Variants in TERT observed in about 807,000 individuals in gnomAD.
TERT encodes telomerase reverse transcriptase.
TERT carries 42 observed loss-of-function variants against 104.0 expected under a neutral mutation model. The ratio of observed to expected loss-of-function variants is 0.40; its 90% CI spans 0.32 to 0.52. The LOEUF (loss-of-function observed/expected upper bound fraction) is 0.52. Ranked by LOEUF, TERT falls within the 20% of genes least tolerant of loss-of-function variation. The probability of loss-of-function intolerance (pLI) is 0.43; values close to 1 mark genes in which losing one functional copy is unlikely to be tolerated. For missense variants in TERT, 1,101 were observed against 1,610.3 expected (o/e 0.68, Z 5.41); for synonymous variants, 781 against 725.6 (o/e 1.08, Z -1.23).
In TERT at chr5:1,292,173, C is replaced by A. The variant is rs1262878238; in HGVS notation, c.1573+1140G>T. On this transcript the variant is annotated intron_variant, in intron 2 of 15. Coordinates refer to ENST00000310581, the MANE Select transcript of TERT (RefSeq NM_198253.3). The surrounding 1 kb of genome is among the most constrained non-coding windows in gnomAD (Gnocchi z 5.5). ...CCAAGAAGGTCACCCTCCTTGTCTG[C>A]ATGGCCGGAAGTCTTACATGTCTTG... Among the ~76,000 whole-genome samples, 2 of 152,154 alleles carry A rather than the reference C, an allele frequency of 1.3e-5. No individual in the cohort carries two copies. The highest frequency in any genetic ancestry group is 2.9e-5 in the Non-Finnish European group (2 of 68,024).
rs559006957 is a variant in TERT at position 1,274,663 on chromosome 5, C to T, written c.2287-2383G>A. Among the ~76,000 whole-genome samples, 3 of 152,314 alleles carry T rather than the reference C, an allele frequency of 2.0e-5. No individual in the cohort carries two copies. The highest frequency in any genetic ancestry group is 1.9e-4 in the East Asian group (1 of 5,182). On this transcript the variant is annotated intron_variant, in intron 6 of 15. Transcript: ENST00000310581. The surrounding 1 kb of genome is among the most constrained non-coding windows in gnomAD (Gnocchi z 5.3). The stretch of plus-strand genomic sequence containing the variant: ...TGATCTGAGAGGGGCGGGGCTCAGG[C>T]GGGAACGCTGGCTCCCCACACCCCA...
chr5:1,281,009 G>A (rs1041624962), intron 3 of TERT, among the ~76,000 whole-genome samples: 9 of 152,194 alleles, frequency 5.9e-5, no homozygotes, highest in Non-Finnish European at 1.0e-4. Flanking sequence ...CGCAGGCCCA[G>A]CAGAGTAGAA....
intron 10 of TERT, 141 bp downstream of exon 10, chr5:1,266,323 C>T: frequency 2.4e-6 from 2 of 849,494 alleles, no homozygotes; most frequent in South Asian, 2.9e-5. Context: ...CCAAGCGCCT[C>T]TGCTCTTGCG....
In TERT at chr5:1,268,721, C is replaced by G; in HGVS notation, c.2469-88G>C. The G allele has an allele frequency of 1.2e-6, 1 of 842,014 alleles. No homozygotes were observed. Among genetic ancestry groups the G allele is most frequent in the Non-Finnish European group, 2.0e-6 (1 of 497,936 alleles). The allele number at this position is 842,014 out of a possible 1,614,324, so 52.2% of individuals were successfully genotyped here. A position where few individuals can be genotyped will look rare whatever the true frequency, so the allele number is the denominator to read the frequency against. On this transcript the variant is annotated intron_variant, in intron 8 of 15. Coordinates refer to ENST00000310581, the MANE Select transcript of TERT (RefSeq NM_198253.3). This position sits in a 1 kb window ranked among gnomAD's most constrained non-coding sequence, Gnocchi z 5.5. ...ACCGAGCCACACACAGACACAGAACCTCATACACACAAACGACACGTCTAC... is the reference window on the plus strand; with the variant it reads ...ACCGAGCCACACACAGACACAGAACGTCATACACACAAACGACACGTCTAC...
intron 5 of TERT, among the ~76,000 whole-genome samples, chr5:1,279,072 T>C (rs1749818643): frequency 6.6e-6 from 1 of 152,180 alleles, no homozygotes; most frequent in East Asian, 1.9e-4. Flanking sequence ...TCCTTGGGAA[T>C]AGGAGCCCGG....
In TERT at chr5:1,292,443, A is replaced by G. The variant is rs557769932; in HGVS notation, c.1573+870T>C. Among the ~76,000 whole-genome samples the G allele has an allele frequency of 6.6e-6, 1 of 152,196 alleles. No individual in the cohort carries two copies. The highest frequency in any genetic ancestry group is 1.9e-4 in the East Asian group (1 of 5,174). On this transcript the variant is annotated intron_variant, in intron 2 of 15. Transcript: ENST00000310581. The surrounding 1 kb of genome is among the most constrained non-coding windows in gnomAD (Gnocchi z 5.5). ...CATGTGGCCCTCTTCATACCTAAAGATGGGACCAGGATCTGTGCTGGAGAA... is the reference window on the plus strand; with the variant it reads ...CATGTGGCCCTCTTCATACCTAAAGGTGGGACCAGGATCTGTGCTGGAGAA...
chr5:1,268,530 G>T lies in TERT; in HGVS notation c.2572C>A (p.Arg858=). ...DMENKLFAGI[R]RDGLLLRLVD... ...AAGAGGAGGCCTCACCCGTCCCGCC[G>T]AATCCCCGCAAACAGCTTGTTCTCC... Residue 858 remains arginine, a synonymous_variant, in exon 9 of 16, where the codon CGG becomes AGG. Coordinates refer to ENST00000310581, the MANE Select transcript of TERT (RefSeq NM_198253.3). The surrounding 1 kb of genome is among the most constrained non-coding windows in gnomAD (Gnocchi z 5.5). The T allele has an allele frequency of 6.2e-7, 1 of 1,613,400 alleles. No homozygotes were observed. Among genetic ancestry groups the T allele is most frequent in the East Asian group, 2.2e-5 (1 of 44,874 alleles).
rs1468705378 is a variant in TERT at position 1,270,938 on chromosome 5, C to T, written c.2468+181G>A. Among the ~76,000 whole-genome samples, 2 of 152,198 alleles carry T rather than the reference C, an allele frequency of 1.3e-5. No homozygotes were observed. The highest frequency in any genetic ancestry group is 2.9e-5 in the Non-Finnish European group (2 of 68,034). ...CCGCTCCGGCTGCCGCAAGCCGAGC[C>T]ATGTTTCCGGGGCCTCGGGAGCCTG... is the stretch of plus-strand genomic sequence containing the variant. On this transcript the variant is annotated intron_variant, in intron 8 of 15. Coordinates refer to ENST00000310581, the MANE Select transcript of TERT (RefSeq NM_198253.3). The surrounding 1 kb of genome is among the most constrained non-coding windows in gnomAD (Gnocchi z 8.3).
chr5:1,264,522 C>A lies in TERT; in HGVS notation c.2725G>T (p.Val909Leu). 2 of 1,613,994 alleles carry A rather than the reference C, an allele frequency of 1.2e-6. No homozygotes were observed. The highest frequency in any genetic ancestry group is 1.7e-6 in the Non-Finnish European group (2 of 1,180,038). ...GTGCCACCCAGGGCCTCGTCTTCTA[C>A]AGGGAAGTTCACCACTGTCTTCCGC... is the stretch of plus-strand genomic sequence containing the variant. ...NLRKTVVNFP[V>L]EDEALGGTAF... The change falls in exon 11 of 16, where the codon GTA (valine) becomes TTA (leucine). Residue 909 changes from valine to leucine, a missense_variant. Transcript: ENST00000310581.
Position 1,262,379 on chromosome 5 carries a change from A to G in TERT, c.2844-1779T>C, listed in dbSNP as rs982139338. On this transcript the variant is annotated intron_variant, in intron 11 of 15. Coordinates refer to ENST00000310581, the MANE Select transcript of TERT (RefSeq NM_198253.3). The surrounding 1 kb of genome is among the most constrained non-coding windows in gnomAD (Gnocchi z 5.6). ...TGTCCATCAGTTCTGACCACATTCT[A>G]CCATCTGAGCTGTGGTTTGGGAGAC... Among the ~76,000 whole-genome samples, 1 of 152,184 alleles carries G rather than the reference A, an allele frequency of 6.6e-6. No homozygotes were observed. Among genetic ancestry groups the G allele is most frequent in the African/African-American group, 2.4e-5 (1 of 41,446 alleles).
chr5:1,280,036 C>T (rs568543872), intron 4 of TERT, 122 bp downstream of exon 4: 8 of 1,322,346 alleles, frequency 6.0e-6, no homozygotes, highest in East Asian at 4.6e-5. Context: ...GGGTTGGCGC[C>T]GTGCCATGGC....
rs755090021 is a variant in TERT at position 1,272,232 on chromosome 5, G to A, written c.2335C>T (p.His779Tyr). 2 of 1,612,910 alleles carry A rather than the reference G, an allele frequency of 1.2e-6. No individual in the cohort carries two copies. Among genetic ancestry groups the A allele is most frequent in the East Asian group, 2.2e-5 (1 of 44,872 alleles). ...LQPYMRQFVA[H>Y]LQETSPLRDA... The stretch of plus-strand genomic sequence containing the variant: ...CTCAGCGGGCTGGTCTCCTGCAGGT[G>A]AGCCACGAACTGTCGCATGTACGGC... Residue 779 changes from histidine to tyrosine, a missense_variant, in exon 7 of 16, where the codon CAC becomes TAC. Physicochemically the swap from His to Tyr is moderately conservative, Grantham distance 83. Around this residue, in one of 5 missense-constraint regions of TERT, gnomAD observed 463 missense variants for 797.5 expected, o/e 0.58. Coordinates refer to ENST00000310581, the MANE Select transcript of TERT (RefSeq NM_198253.3).
At position 1,282,223 on chromosome 5, in the gene TERT, G is replaced by A. The variant is rs549197826; in HGVS notation, c.1769+206C>T. ...TAGAGACCACTTGGCACAAACTCCT[G>A]ATTTTACAAGTAAGAGAACGTGAGC... On this transcript the variant is annotated intron_variant, in intron 3 of 15. Transcript: ENST00000310581. Among the ~76,000 whole-genome samples, 3 of 152,356 alleles carry A rather than the reference G, an allele frequency of 2.0e-5. No individual in the cohort carries two copies. In the East Asian group the frequency reaches 5.8e-4, roughly 29 times the overall value.
In TERT at chr5:1,294,128, T is replaced by C. The variant is rs1172617636; in HGVS notation, c.758A>G (p.Gln253Arg). 1.3e-6 allele frequency: 2 copies of C among 1,583,378 alleles called. No homozygotes were observed. The highest frequency in any genetic ancestry group is 1.1e-5 in the South Asian group (1 of 87,940). The change falls in exon 2 of 16, where the codon CAG (glutamine) becomes CGG (arginine). Residue 253 changes from glutamine (Q) to arginine (R), a missense_variant. Coordinates refer to ENST00000310581, the MANE Select transcript of TERT (RefSeq NM_198253.3). ...CCTGCCCGGGTGGGCCCAGGACCCCTGCCCAACGGGCGTCCGCTCCGGCTC... is the reference window on the plus strand; with the variant it reads ...CCTGCCCGGGTGGGCCCAGGACCCCCGCCCAACGGGCGTCCGCTCCGGCTC... The part of the protein sequence containing the change: ...APEPERTPVG[Q>R]GSWAHPGRTR...
intron 6 of TERT, among the ~76,000 whole-genome samples, chr5:1,277,886 A>G (rs1749717287): frequency 6.6e-6 from 1 of 152,036 alleles, no homozygotes. Context: ...CACGACTTTG[A>G]GGGCTTACCC....
intron 6 of TERT, 129 bp from the exon 7 acceptor site, chr5:1,272,409 G>C: frequency 1.1e-6 from 1 of 874,808 alleles, no homozygotes; most frequent in Admixed American, 2.0e-5. Flanking sequence ...CCCAGAGAGC[G>C]CCTGGGAAGC....
In TERT at chr5:1,289,162, G is replaced by A. The variant is rs115451758; in HGVS notation, c.1573+4151C>T. Among the ~76,000 whole-genome samples, 922 of 149,268 alleles carry A rather than the reference G, an allele frequency of 6.2e-3. 5 individuals carry two copies. The highest frequency in any genetic ancestry group is 1.0e-2 in the Non-Finnish European group (672 of 67,202). On this transcript the variant is annotated intron_variant, in intron 2 of 15. Coordinates refer to ENST00000310581, the MANE Select transcript of TERT (RefSeq NM_198253.3). ...CACCCTGCACCTGAGAGGGACACCC[G>A]GGGGCCGCAACTCACTCACCCTACA...
At position 1,260,400 on chromosome 5, in the gene TERT, G is replaced by GCGCACACA. The variant is rs1554038794; in HGVS notation, c.2970+73_2970+74insTGTGTGCG. 4.0e-5 allele frequency: 59 copies of GCGCACACA among 1,491,150 alleles called. No homozygotes were observed. The African/African-American group carries it at 7.4e-4, about 19-fold the overall frequency. 92.4% of individuals were successfully genotyped at this position (1,491,150 alleles called of 1,614,324 possible). ...CACCATCAGCCTTGCAGGCACGCGC[G>GCGCACACA]CACACACACACACACATACTTGCGC... On this transcript the variant is annotated intron_variant, in intron 12 of 15. Coordinates refer to ENST00000310581, the MANE Select transcript of TERT (RefSeq NM_198253.3).
intron 1 of TERT, 49 bp downstream of exon 1, chr5:1,294,722 C>A: frequency 6.4e-7 from 1 of 1,570,992 alleles, no homozygotes; most frequent in East Asian, 2.3e-5. Flanking sequence ...CGCTGGTTCC[C>A]CCCGGCCGCC....
Sources: allele counts gnomAD v4.1 joint callset (sites outside exome capture counted in the v4.1 genomes callset), GRCh38; gene constraint gnomAD v4.1.1; regional missense constraint gnomAD v4.1.1; non-coding constraint Gnocchi (gnomAD v3.1); transcripts MANE v1.5; gene names NCBI Gene and HGNC (gene_info 2026-07-23, HGNC 2026-07-21).